Variants in KLF8 observed in about 807,000 individuals in gnomAD.
KLF8 encodes KLF transcription factor 8, also known as Krueppel-like factor 8.
In KLF8, 10 loss-of-function variants were observed where a neutral mutation model predicts 18.2. The ratio of observed to expected loss-of-function variants is 0.55; its 90% CI spans 0.34 to 0.93. The LOEUF is 0.93. Ranked by LOEUF, KLF8 falls within the 40% of genes least tolerant of loss-of-function variation. KLF8 has a pLI of 0.02. For missense variants in KLF8, 264 were observed against 277.9 expected, an observed-to-expected ratio of 0.95 and a Z score of 0.36; for synonymous variants, 109 against 97.3, an observed-to-expected ratio of 1.12 and a Z score of -0.71.
the KLF8 span, among the ~76,000 whole-genome samples, chrX:56,080,224 A>T: frequency 9.2e-6 from 1 of 108,328 alleles, no homozygotes. Flanking sequence ...TCGTTAGTTG[A>T]TGCAGTTTCT....
the KLF8 span, among the ~76,000 whole-genome samples, chrX:56,159,865 G>GAA: frequency 1.8e-5 from 2 of 110,907 alleles, no homozygotes; most frequent in Non-Finnish European, 3.8e-5. Context: ...TTTTTTGAAG[G>GAA]GTTTTTTTAT....
the KLF8 span, among the ~76,000 whole-genome samples, chrX:56,039,626 C>G: frequency 1.8e-5 from 2 of 111,787 alleles, no homozygotes; most frequent in African/African-American, 6.5e-5. Context: ...GTTTTGATTA[C>G]AGTAGCCTTA....
At chrX:56,026,037 T>G in the KLF8 span, among the ~76,000 whole-genome samples, 1 of 112,236 alleles carries the variant, frequency 8.9e-6, no homozygotes, top group Non-Finnish European at 1.9e-5. Flanking sequence ...ACCAGTCAAC[T>G]TCCGGGTTTG....
the KLF8 span, among the ~76,000 whole-genome samples, chrX:55,988,673 G>T: frequency 1.8e-5 from 2 of 111,327 alleles, no homozygotes; most frequent in Admixed American, 1.9e-4. Context: ...TAGGAATGAC[G>T]TGGCGATGTG....
intron 2 of KLF8, among the ~76,000 whole-genome samples, chrX:56,262,398 A>C (rs1038572477): frequency 8.9e-6 from 1 of 111,810 alleles, no homozygotes; most frequent in African/African-American, 3.3e-5. Flanking sequence ...GCTAAACACA[A>C]GGCCTTGAGC....
chrX:56,016,743 G>T, the KLF8 span, among the ~76,000 whole-genome samples: 11 of 111,615 alleles, frequency 9.9e-5, no homozygotes, highest in Admixed American at 2.9e-4. Flanking sequence ...GGAGTGACCT[G>T]CCTAGTGCCA....
the KLF8 span, among the ~76,000 whole-genome samples, chrX:56,167,245 C>T: frequency 1.8e-5 from 2 of 111,473 alleles, no homozygotes; most frequent in African/African-American, 6.5e-5. Context: ...ATTCTCCTGC[C>T]TCAGTCTCCC....
chrX:56,147,418 A>G, the KLF8 span, among the ~76,000 whole-genome samples: 2 of 112,173 alleles, frequency 1.8e-5, no homozygotes. Flanking sequence ...TATATATTTT[A>G]GAATAAAAGA....
the KLF8 span, among the ~76,000 whole-genome samples, chrX:56,043,817 T>G: frequency 8.9e-6 from 1 of 112,744 alleles, no homozygotes. Context: ...TTTAGCCATC[T>G]CAGTCTCAGC....
intron 3 of KLF8, 50 bp downstream of exon 3, chrX:56,265,794 T>C: frequency 3.5e-6 from 4 of 1,150,667 alleles, no homozygotes; most frequent in Non-Finnish European, 4.6e-6. Context: ...CTATTCCCTT[T>C]TAGAGTCATC....
chrX:56,245,879 A>G (rs1055638963), intron 1 of KLF8, among the ~76,000 whole-genome samples: 3 of 112,383 alleles, frequency 2.7e-5, no homozygotes, highest in Non-Finnish European at 5.6e-5. Flanking sequence ...CCTCTTCAAA[A>G]AAAAACAGAG....
the KLF8 span, among the ~76,000 whole-genome samples, chrX:56,003,407 AAAATAAATAAATAAATAAAT>A: frequency 1.0e-4 from 10 of 100,268 alleles, no homozygotes; most frequent in Non-Finnish European, 1.6e-4. Flanking sequence ...GAGACTCCGT[AAAATAAATAAATAAATAAAT>A]AAATAAATAA....
the KLF8 span, among the ~76,000 whole-genome samples, chrX:56,098,552 AT>A: frequency 6.2e-4 from 69 of 111,630 alleles, no homozygotes; most frequent in African/African-American, 2.0e-3. Context: ...ATTAAAAAAA[AT>A]AACTCTCAAC....
the KLF8 span, among the ~76,000 whole-genome samples, chrX:56,090,572 G>A: frequency 4.5e-5 from 5 of 112,014 alleles, no homozygotes; most frequent in East Asian, 1.4e-3. Flanking sequence ...GATGATCAGT[G>A]ATGTTGATGT....
chrX:56,171,134 A>G, the KLF8 span, among the ~76,000 whole-genome samples: 1 of 112,067 alleles, frequency 8.9e-6, no homozygotes. Flanking sequence ...ATAGTCCTGT[A>G]ACTGTGGTGT....
the KLF8 span, among the ~76,000 whole-genome samples, chrX:56,019,259 A>T: frequency 1.8e-5 from 2 of 112,428 alleles, no homozygotes; most frequent in African/African-American, 6.4e-5. Context: ...TAGTCATTTG[A>T]TATAAAAACC....
chrX:56,197,418 C>A, the KLF8 span, among the ~76,000 whole-genome samples: 2 of 111,760 alleles, frequency 1.8e-5, no homozygotes, highest in African/African-American at 6.5e-5. Flanking sequence ...CAACATTGAT[C>A]TCACAGAAAT....
the KLF8 span, among the ~76,000 whole-genome samples, chrX:56,119,097 A>G: frequency 1.7e-4 from 19 of 111,455 alleles, no homozygotes; most frequent in Non-Finnish European, 2.1e-4. Context: ...AATCAAAAGT[A>G]TTTGTCATAG....
chrX:55,950,581 G>A, the KLF8 span, among the ~76,000 whole-genome samples: 1 of 111,155 alleles, frequency 9.0e-6, no homozygotes, highest in Non-Finnish European at 1.9e-5. Context: ...ATGCATGAAC[G>A]CTCTTTGCAC....
Sources: allele counts gnomAD v4.1 joint callset (sites outside exome capture counted in the v4.1 genomes callset), GRCh38; gene constraint gnomAD v4.1.1; transcripts MANE v1.5; gene names NCBI Gene and HGNC (gene_info 2026-07-23, HGNC 2026-07-21).